The following USP48 variants were observed in gnomAD, a reference collection of about 807,000 sequenced individuals.
USP48 encodes the protein ubiquitin carboxyl-terminal hydrolase 48.
USP48 carries 43 observed loss-of-function variants against 150.7 expected under a neutral mutation model. That is an observed-to-expected ratio of 0.29 (90% confidence interval 0.22 to 0.37). The LOEUF (loss-of-function observed/expected upper bound fraction) is 0.37. USP48 is among the 10% of genes least tolerant of loss of function. The pLI is 1.00. For synonymous variants in USP48, 396 were observed against 425.9 expected (o/e 0.93, Z 0.86); for missense variants, 813 against 1,249.6 (o/e 0.65, Z 5.27).
intron 11 of USP48, chr1:21,724,674 C>T (rs948067658): frequency 6.5e-6 from 1 of 153,652 alleles, no homozygotes; most frequent in Admixed American, 6.5e-5. Flanking sequence ...TATTTAATTC[C>T]CCCACCCAAA....
At chr1:21,726,771 G>C (rs1489272743) in intron 11 of USP48, among the ~76,000 whole-genome samples, 1 of 152,108 alleles carries the variant, frequency 6.6e-6, no homozygotes, top group Non-Finnish European at 1.5e-5. Flanking sequence ...TAGTATTTGT[G>C]ATTCAGTAAA....
chr1:21,732,016 C>T (rs969755395), intron 9 of USP48, among the ~76,000 whole-genome samples: 1 of 152,254 alleles, frequency 6.6e-6, no homozygotes, highest in East Asian at 1.9e-4. Flanking sequence ...TTTCAGCGTT[C>T]CAGGTAACTT....
chr1:21,712,007 ACTTACT>A (rs1244879898), intron 15 of USP48, among the ~76,000 whole-genome samples: 2 of 152,228 alleles, frequency 1.3e-5, no homozygotes, highest in Non-Finnish European at 2.9e-5. Flanking sequence ...GCCTCAGTTT[ACTTACT>A]CATCAGTAGA....
chr1:21,713,173 TG>T (rs1389406830), intron 15 of USP48, among the ~76,000 whole-genome samples: 1 of 151,718 alleles, frequency 6.6e-6, no homozygotes, highest in Admixed American at 6.6e-5. Flanking sequence ...CACGTGAATA[TG>T]GCTCACTGCA....
At chr1:21,730,159 A>G (rs1344419665) in intron 9 of USP48, among the ~76,000 whole-genome samples, 3 of 152,172 alleles carry the variant, frequency 2.0e-5, no homozygotes, top group African/African-American at 7.2e-5. Context: ...AATTAACTGA[A>G]GCCGGGCACA....
intron 22 of USP48, among the ~76,000 whole-genome samples, chr1:21,701,148 C>T (rs2097654864): frequency 6.7e-6 from 1 of 149,806 alleles, no homozygotes; most frequent in Non-Finnish European, 1.5e-5. Context: ...GGGCGGATCA[C>T]GAGGTCAGGA....
chr1:21,697,746 C>T (rs1337077526), intron 22 of USP48, among the ~76,000 whole-genome samples: 1 of 151,634 alleles, frequency 6.6e-6, no homozygotes, highest in East Asian at 1.9e-4. Flanking sequence ...ATAACTACAT[C>T]AACATATAAT....
At chr1:21,695,889 AT>A (rs1298554028) in intron 22 of USP48, among the ~76,000 whole-genome samples, 1 of 152,190 alleles carries the variant, frequency 6.6e-6, no homozygotes, top group Non-Finnish European at 1.5e-5. Flanking sequence ...ATAAAAAAAA[AT>A]CAAACTTAGT....
intron 10 of USP48, 114 bp from the exon 11 acceptor site, chr1:21,728,833 C>G: frequency 1.6e-6 from 2 of 1,280,358 alleles, no homozygotes; most frequent in Non-Finnish European, 2.1e-6. Context: ...GAAATTCCAA[C>G]TATGGTCTCC....
rs1352323623 is a variant in USP48 at position 21,728,690 on chromosome 1, T to C, written c.1330A>G (p.Asn444Asp). Reference protein sequence around the residue: ...AFLQELVDRDNSKFEEWCIEM... With the variant: ...AFLQELVDRDDSKFEEWCIEM... ...ATACACCACTCCTCAAATTTGGAAT[T>C]ATCCCGATCTACCAGCTCTTGAAGA... The change falls in exon 11 of 27, where the codon AAT (asparagine) becomes GAT (aspartate). Residue 444 changes from asparagine to aspartate, a missense_variant. By Grantham distance (23) the Asn-to-Asp change is conservative. Transcript: ENST00000308271. The C allele has an allele frequency of 6.2e-7, 1 of 1,614,096 alleles. No homozygotes were observed. Among genetic ancestry groups the C allele is most frequent in the Non-Finnish European group, 8.5e-7 (1 of 1,180,010 alleles).
At chr1:21,690,535 TG>T (rs2097595310) in intron 23 of USP48, among the ~76,000 whole-genome samples, 1 of 151,908 alleles carries the variant, frequency 6.6e-6, no homozygotes, top group Non-Finnish European at 1.5e-5. Context: ...TTTTTTTTGT[TG>T]TTGTTGAGAC....
chr1:21,708,897 AAAAAAGAAAG>A lies in USP48; in HGVS notation c.1964-2039_1964-2030del, dbSNP rs1472803180. 5.1e-4 allele frequency among the ~76,000 whole-genome samples: 57 copies of A among 111,398 alleles called. 1 individual carries two copies. The highest frequency in any genetic ancestry group is 7.2e-4 in the Non-Finnish European group (37 of 51,370). 73.1% of individuals were successfully genotyped at this position (111,398 alleles called of 152,430 possible). On this transcript the variant is annotated intron_variant, in intron 15 of 26. Transcript: ENST00000308271. The stretch of plus-strand genomic sequence containing the variant: ...AAGACTCCGTCTCAAAAAAAAAAAA[AAAAAAGAAAG>A]AAAAGAAAAGAAAAGAAAAGAAAAC...
intron 26 of USP48, 67 bp from the exon 27 acceptor site, chr1:21,679,506 T>G (rs1193671302): frequency 1.3e-6 from 2 of 1,574,268 alleles, no homozygotes; most frequent in African/African-American, 2.7e-5. Context: ...GGATTCCATT[T>G]ACCAAGAACA....
intron 1 of USP48, among the ~76,000 whole-genome samples, chr1:21,781,694 A>AC (rs1391945295): frequency 5.9e-5 from 9 of 152,226 alleles, no homozygotes; most frequent in Non-Finnish European, 1.3e-4. Context: ...AGCTCGTGAC[A>AC]CTGCACTCCA....
rs963435523 is a variant in USP48, at chr1:21,783,075, G to A, written c.-118C>T. ...CAAGGAGGACCTGGCGCTCCTTCAG[G>A]CAGCTGGCCAGTCAATCACCTGTGC... On this transcript the variant is annotated 5_prime_UTR_variant, in exon 1 of 27. Transcript: ENST00000308271. The A allele has an allele frequency of 2.2e-6, 3 of 1,359,106 alleles. No individual in the cohort carries two copies. Among genetic ancestry groups the A allele is most frequent in the Admixed American group, 3.6e-5 (1 of 27,610 alleles). 84.2% of individuals were successfully genotyped at this position (1,359,106 alleles called of 1,614,324 possible).
At chr1:21,708,778 G>A (rs1441501400) in intron 15 of USP48, among the ~76,000 whole-genome samples, 1 of 147,736 alleles carries the variant, frequency 6.8e-6, no homozygotes, top group Non-Finnish European at 1.5e-5. Context: ...GCAGCTACAT[G>A]GGAGGCTGAG....
chr1:21,719,913 T>C (rs1472691392), intron 14 of USP48, among the ~76,000 whole-genome samples: 1 of 151,706 alleles, frequency 6.6e-6, no homozygotes, highest in South Asian at 2.1e-4. Context: ...AATAAAAACT[T>C]AAAAAATAAA....
At chr1:21,679,572 G>A (rs2097559812) in intron 26 of USP48, 133 bp from the exon 27 acceptor site, 2 of 1,108,148 alleles carry the variant, frequency 1.8e-6, no homozygotes, top group Non-Finnish European at 1.3e-6. Context: ...ACCTTGGTGT[G>A]GGAGGATAAG....
intron 14 of USP48, among the ~76,000 whole-genome samples, chr1:21,718,708 C>T (rs187159552): frequency 1.3e-5 from 2 of 152,046 alleles, no homozygotes; most frequent in Admixed American, 1.3e-4. Flanking sequence ...CAGGTGCATG[C>T]CACCACGCCT....
Sources: allele counts gnomAD v4.1 joint callset (sites outside exome capture counted in the v4.1 genomes callset), GRCh38; gene constraint gnomAD v4.1.1; transcripts MANE v1.5; gene names NCBI Gene and HGNC (gene_info 2026-07-23, HGNC 2026-07-21).